The following TRAPPC3L variants were observed in gnomAD, a reference collection of about 807,000 sequenced individuals.
The protein encoded by TRAPPC3L is trafficking protein particle complex subunit 3-like protein.
Under a neutral mutation model 23.7 loss-of-function variants are expected in TRAPPC3L, and 23 were observed. That is an observed-to-expected ratio of 0.97 (90% CI 0.70 to 1.37). TRAPPC3L has a LOEUF of 1.37. Among genes scored for constraint, TRAPPC3L ranks in the 40% most tolerant of loss-of-function variants. TRAPPC3L has a pLI of 0.00. For missense variants in TRAPPC3L, 212 were observed against 216.8 expected (o/e 0.98, Z 0.14); for synonymous variants, 81 against 77.9 (o/e 1.04, Z -0.21).
At chr6:116,543,986 G>C in intron 1 of TRAPPC3L, 1 of 893,464 alleles carries the variant, frequency 1.1e-6, no homozygotes, top group Non-Finnish European at 1.7e-6. Flanking sequence ...TAAAACTTAA[G>C]ACAATTTAGG....
intron 3 of TRAPPC3L, among the ~76,000 whole-genome samples, chr6:116,529,405 T>A (rs929162990): frequency 2.6e-5 from 4 of 152,232 alleles, no homozygotes; most frequent in Non-Finnish European, 5.9e-5. Context: ...GTCACAACTG[T>A]TGGCTGTCTA....
chr6:116,501,643 T>C (rs994935290), intron 3 of TRAPPC3L, among the ~76,000 whole-genome samples: 3 of 152,060 alleles, frequency 2.0e-5, no homozygotes, highest in African/African-American at 7.2e-5. Flanking sequence ...TACAGGCAGG[T>C]GCCCCTCTGG....
Position 116,540,367 on chromosome 6 carries a change from G to A in TRAPPC3L, c.236C>T (p.Ala79Val), listed in dbSNP as rs1222867861. 4 of 1,550,528 alleles carry A rather than the reference G, an allele frequency of 2.6e-6. No individual in the cohort carries two copies. The highest frequency in any genetic ancestry group is 1.4e-5 in the African/African-American group (1 of 72,932). Residue 79 changes from alanine (A) to valine (V), a missense_variant, in exon 3 of 5, where the codon GCC becomes GTC. By Grantham distance (64) the Ala-to-Val change is moderately conservative. Coordinates refer to ENST00000368602, the MANE Select transcript of TRAPPC3L (RefSeq NM_001139444.3). Reference sequence around the variant, plus strand: ...CAGAGATAAAAACATAGTTACCTGGGCAATTATGTCTATAATTTCTGAATA... The same window carrying A: ...CAGAGATAAAAACATAGTTACCTGGACAATTATGTCTATAATTTCTGAATA... ...HSYSEIIDII[A>V]QVAFKMYLGI...
intron 1 of TRAPPC3L, among the ~76,000 whole-genome samples, chr6:116,545,110 TATATATACATACATACATATATATAC>T (rs1283549737): frequency 6.7e-6 from 1 of 150,372 alleles, no homozygotes; most frequent in Non-Finnish European, 1.5e-5. Context: ...TACACACATA[TATATATACATACATACATATATATAC>T]ATATACATAT....
chr6:116,509,877 G>A (rs1307417413), intron 3 of TRAPPC3L, among the ~76,000 whole-genome samples: 1 of 152,146 alleles, frequency 6.6e-6, no homozygotes, highest in African/African-American at 2.4e-5. Context: ...ATAAACATCA[G>A]AGTAAACAGG....
intron 3 of TRAPPC3L, among the ~76,000 whole-genome samples, chr6:116,529,527 A>G (rs1206635209): frequency 6.6e-6 from 1 of 152,146 alleles, no homozygotes; most frequent in African/African-American, 2.4e-5. Context: ...TGCTCGAGGT[A>G]AAGTAGATTG....
intron 3 of TRAPPC3L, among the ~76,000 whole-genome samples, chr6:116,512,638 CAT>C (rs1772147285): frequency 6.6e-6 from 1 of 152,194 alleles, no homozygotes; most frequent in African/African-American, 2.4e-5. Flanking sequence ...CAAACACACA[CAT>C]GTATTATTCA....
intron 4 of TRAPPC3L, among the ~76,000 whole-genome samples, chr6:116,500,227 G>A (rs929317041): frequency 1.3e-5 from 2 of 152,230 alleles, no homozygotes; most frequent in African/African-American, 4.8e-5. Context: ...CAGCTTGACT[G>A]CATGTGTATT....
At chr6:116,501,459 A>T (rs1771914358) in intron 3 of TRAPPC3L, among the ~76,000 whole-genome samples, 1 of 152,258 alleles carries the variant, frequency 6.6e-6, no homozygotes, top group Non-Finnish European at 1.5e-5. Flanking sequence ...AAAAGTCAGC[A>T]GAAAACTTCT....
chr6:116,532,361 C>T (rs553578809), intron 3 of TRAPPC3L, among the ~76,000 whole-genome samples: 2 of 152,308 alleles, frequency 1.3e-5, no homozygotes, highest in Middle Eastern at 3.4e-3. Flanking sequence ...TCTTGCCTCC[C>T]TGAGAGAGGG....
intron 3 of TRAPPC3L, among the ~76,000 whole-genome samples, chr6:116,525,939 G>A (rs1583275246): frequency 6.6e-6 from 1 of 152,292 alleles, no homozygotes; most frequent in Admixed American, 6.5e-5. Context: ...TCTCCCAGGG[G>A]TTTTGTTGGT....
At chr6:116,540,960 T>C (rs746984579) in intron 2 of TRAPPC3L, among the ~76,000 whole-genome samples, 10 of 152,142 alleles carry the variant, frequency 6.6e-5, no homozygotes, top group Non-Finnish European at 1.3e-4. Context: ...GAAAAAATTT[T>C]TGTTGCCAGT....
chr6:116,537,568 C>G (rs1207140201), intron 3 of TRAPPC3L, among the ~76,000 whole-genome samples: 1 of 152,126 alleles, frequency 6.6e-6, no homozygotes, highest in African/African-American at 2.4e-5. Flanking sequence ...TCCTCTTCAA[C>G]CTTTTCTTTT....
At chr6:116,521,777 A>G (rs997551381) in intron 3 of TRAPPC3L, 2 of 152,190 alleles carry the variant, frequency 1.3e-5, no homozygotes, top group African/African-American at 2.4e-5. Flanking sequence ...TAAATTAAAT[A>G]TGGTTCAATG....
chr6:116,539,466 AC>A (rs1773296788), intron 3 of TRAPPC3L, among the ~76,000 whole-genome samples: 1 of 152,190 alleles, frequency 6.6e-6, no homozygotes, highest in African/African-American at 2.4e-5. Flanking sequence ...CCCCACATAT[AC>A]TATTATTTAC....
At chr6:116,526,032 G>A (rs1772434301) in intron 3 of TRAPPC3L, among the ~76,000 whole-genome samples, 1 of 151,880 alleles carries the variant, frequency 6.6e-6, no homozygotes, top group African/African-American at 2.4e-5. Flanking sequence ...CTAACTATGA[G>A]TGGGTTTCAC....
intron 2 of TRAPPC3L, among the ~76,000 whole-genome samples, chr6:116,541,117 T>C (rs1773423451): frequency 6.6e-6 from 1 of 151,746 alleles, no homozygotes; most frequent in Non-Finnish European, 1.5e-5. Flanking sequence ...GCTCTAGTAG[T>C]GCCTGAAGTA....
intron 3 of TRAPPC3L, among the ~76,000 whole-genome samples, chr6:116,505,628 G>A (rs1426115332): frequency 6.6e-6 from 1 of 152,058 alleles, no homozygotes; most frequent in East Asian, 1.9e-4. Flanking sequence ...ATACTACAAG[G>A]TTACAGTAAC....
intron 3 of TRAPPC3L, among the ~76,000 whole-genome samples, chr6:116,525,007 G>T (rs995545587): frequency 1.3e-5 from 2 of 152,164 alleles, no homozygotes; most frequent in African/African-American, 4.8e-5. Context: ...GTCCAAAAAG[G>T]CTAAGGTGGT....
Sources: gnomAD v4.1 joint callset for allele counts (sites outside exome capture counted in the v4.1 genomes callset) on GRCh38, gnomAD v4.1.1 for gene constraint, MANE v1.5 for transcripts, NCBI Gene and HGNC (gene_info 2026-07-23, HGNC 2026-07-21) for gene names.